BBS2: variants seen among roughly 807,000 people sequenced by gnomAD.
BBS2 encodes the protein Bardet-Biedl syndrome 2.
In BBS2, 62 loss-of-function variants were observed where a neutral mutation model predicts 83.0. The ratio of observed to expected loss-of-function variants is 0.75; its 90% CI spans 0.61 to 0.92. BBS2 has a LOEUF of 0.92. Among genes scored for constraint, BBS2 ranks in the 40% least tolerant of loss-of-function variants. BBS2 has a pLI of 0.00. For synonymous variants in BBS2, 303 were observed against 326.1 expected, an observed-to-expected ratio of 0.93 and a Z score of 0.76; for missense variants, 784 against 901.0, an observed-to-expected ratio of 0.87 and a Z score of 1.66.
chr16:56,506,239 A>C lies in BBS2; in HGVS notation c.613-15T>G, dbSNP rs1964419757. 3 of 1,577,662 alleles carry C rather than the reference A, an allele frequency of 1.9e-6. No homozygotes were observed. Among genetic ancestry groups the C allele is most frequent in the Non-Finnish European group, 2.6e-6 (3 of 1,147,384 alleles). On this transcript the variant is annotated splice_polypyrimidine_tract_variant and intron_variant, in intron 5 of 16. Transcript: ENST00000245157. ...GAGGTGACTATCTGCAAAACAATCC[A>C]CAAAAACACAACATCTTTTCATTAA...
chr16:56,480,370 A>AAAC (rs1963640006), downstream of BBS2, among the ~76,000 whole-genome samples: 1 of 148,590 alleles, frequency 6.7e-6, no homozygotes, highest in Non-Finnish European at 1.5e-5. Flanking sequence ...AAAAAACAAA[A>AAAC]AAAAAAACAA....
chr16:56,481,324 G>A (rs1963658628), downstream of BBS2, among the ~76,000 whole-genome samples: 1 of 151,992 alleles, frequency 6.6e-6, no homozygotes, highest in African/African-American at 2.4e-5. Flanking sequence ...GGGTGACGCT[G>A]GTTAAGATGC....
Position 56,514,590 on chromosome 16 carries a change from TGAG to T in BBS2, c.205_207del (p.Leu69del). 1.9e-6 allele frequency: 3 copies of T among 1,614,132 alleles called. No homozygotes were observed. The highest frequency in any genetic ancestry group is 2.5e-6 in the Non-Finnish European group (3 of 1,179,988). On this transcript the variant is annotated inframe_deletion, in exon 2 of 17. Coordinates refer to ENST00000245157, the MANE Select transcript of BBS2 (RefSeq NM_031885.5). ...AGACAGCTGACTGCCTGGTTAATGC[TGAG>T]AAGAGAAACATCAGATTCCAGGGGG...
At chr16:56,497,328 C>T (rs1964143216) in intron 14 of BBS2, 1 of 553,488 alleles carries the variant, frequency 1.8e-6, no homozygotes, top group Admixed American at 3.1e-5. Flanking sequence ...CCACAACACA[C>T]ATATTAATAT....
intron 15 of BBS2, among the ~76,000 whole-genome samples, chr16:56,486,748 C>A (rs1394800315): frequency 5.9e-5 from 5 of 84,222 alleles, no homozygotes; most frequent in Admixed American, 1.3e-4. Flanking sequence ...CAGAAATATT[C>A]TTTTTTTTTT....
chr16:56,472,421 A>G (rs1963241971), intron 17 of BBS2, among the ~76,000 whole-genome samples: 1 of 152,214 alleles, frequency 6.6e-6, no homozygotes, highest in African/African-American at 2.4e-5. Context: ...AGAGTAGGGA[A>G]TACAAAAGTG....
Position 56,497,839 on chromosome 16 carries a change from G to A in BBS2, c.1701C>T (p.Ile567=), listed in dbSNP as rs751207192. 6.2e-7 allele frequency: 1 copy of A among 1,612,380 alleles called. No homozygotes were observed. The highest frequency in any genetic ancestry group is 2.2e-5 in the East Asian group (1 of 44,780). The change falls in exon 14 of 17, where the codon ATC becomes ATT. Residue 567 remains isoleucine (I), a synonymous_variant. Transcript: ENST00000245157. ...NTDDIDLAGD[I]IQSMASFFAI... is the part of the protein sequence containing the mutation. ...CAAAAAATGATGCCATTGACTGGATGATATCACCAGCCAAATCAATATCAT... is the reference window on the plus strand; with the variant it reads ...CAAAAAATGATGCCATTGACTGGATAATATCACCAGCCAAATCAATATCAT...
At chr16:56,484,091 C>T (rs1458991500), downstream of BBS2, among the ~76,000 whole-genome samples, 1 of 150,700 alleles carries the variant, frequency 6.6e-6, no homozygotes, top group African/African-American at 2.4e-5. Context: ...ATTGCAACCT[C>T]TGCCACCCGG....
chr16:56,475,757 T>C (rs558003652), intron 17 of BBS2, among the ~76,000 whole-genome samples: 2 of 152,330 alleles, frequency 1.3e-5, no homozygotes, highest in South Asian at 4.1e-4. Context: ...AAGCATTTAT[T>C]TTACCCTCCT....
intron 17 of BBS2, chr16:56,476,098 G>A: frequency 6.2e-7 from 1 of 1,613,854 alleles, no homozygotes; most frequent in Non-Finnish European, 8.5e-7. Flanking sequence ...CAGAGACAGA[G>A]AGACTCTGAA....
chr16:56,505,826 A>C (rs1964406377), intron 7 of BBS2, 124 bp downstream of exon 7: 2 of 757,860 alleles, frequency 2.6e-6, no homozygotes, highest in East Asian at 5.2e-5. Flanking sequence ...AGTTAAATGT[A>C]AAAACATTGC....
intron 1 of BBS2, chr16:56,519,454 C>T (rs1053734384): frequency 4.9e-5 from 20 of 408,060 alleles, no homozygotes; most frequent in Non-Finnish European, 7.6e-5. Context: ...TAACCCGAAC[C>T]AAACCCCTTC....
chr16:56,516,747 T>C (rs1325031566), intron 1 of BBS2, among the ~76,000 whole-genome samples: 1 of 152,152 alleles, frequency 6.6e-6, no homozygotes, highest in African/African-American at 2.4e-5. Context: ...AGCTCCATGT[T>C]CACAACAGGG....
intron 2 of BBS2, among the ~76,000 whole-genome samples, chr16:56,513,547 G>A (rs1279930043): frequency 6.6e-6 from 1 of 152,130 alleles, no homozygotes; most frequent in African/African-American, 2.4e-5. Context: ...CTACAACATG[G>A]ATCAACCTTG....
chr16:56,475,612 G>A (rs1306207247), intron 17 of BBS2: 9 of 1,566,668 alleles, frequency 5.7e-6, no homozygotes, highest in Non-Finnish European at 7.9e-6. Context: ...TATTGAGAAT[G>A]CTTTCATTTT....
chr16:56,500,315 C>T, intron 11 of BBS2: 1 of 266,410 alleles, frequency 3.8e-6, no homozygotes, highest in Non-Finnish European at 7.3e-6. Context: ...TATGAGATCA[C>T]CTGACTAAAA....
chr16:56,509,828 C>T (rs1193077366), intron 5 of BBS2, 129 bp downstream of exon 5: 1 of 847,588 alleles, frequency 1.2e-6, no homozygotes, highest in Admixed American at 1.8e-5. Context: ...CTGTCTGACC[C>T]CCTCCCCAAG....
chr16:56,474,464 G>T (rs1172562277), intron 17 of BBS2, among the ~76,000 whole-genome samples: 2 of 151,828 alleles, frequency 1.3e-5, no homozygotes, highest in Non-Finnish European at 2.9e-5. Context: ...TGGATTACAG[G>T]CATGCACTAC....
At chr16:56,484,934 T>C in intron 16 of BBS2, 67 bp from the exon 17 acceptor site, 3 of 1,231,190 alleles carry the variant, frequency 2.4e-6, no homozygotes, top group Non-Finnish European at 2.4e-6. Flanking sequence ...TAGACGTCAG[T>C]TTTAAAACAA....
Sources: gnomAD v4.1 joint callset for allele counts (sites outside exome capture counted in the v4.1 genomes callset) on GRCh38, gnomAD v4.1.1 for gene constraint, MANE v1.5 for transcripts, NCBI Gene and HGNC (gene_info 2026-07-23, HGNC 2026-07-21) for gene names.